NSD3: variants seen among roughly 807,000 people sequenced by gnomAD.
NSD3 encodes the protein histone-lysine N-methyltransferase NSD3.
In NSD3, 24 loss-of-function variants were observed where a neutral mutation model predicts 160.8. The ratio of observed to expected loss-of-function variants is 0.15; its 90% CI spans 0.11 to 0.21. The LOEUF (loss-of-function observed/expected upper bound fraction) is 0.21, where lower values mean the gene tolerates loss of function less well. Ranked by LOEUF, NSD3 falls within the 10% of genes least tolerant of loss-of-function variation. NSD3 has a pLI of 1.00. For missense variants in NSD3, 1,157 were observed against 1,735.9 expected (o/e 0.67, Z 5.93); for synonymous variants, 520 against 600.0 (o/e 0.87, Z 1.95).
chr8:38,381,771 CACAT>C (rs775376302), intron 1 of NSD3, 24 bp downstream of exon 1: 15 of 148,626 alleles, frequency 1.0e-4, no homozygotes, highest in Admixed American at 1.4e-4. Context: ...CACACACACA[CACAT>C]ACACACACGC....
chr8:38,343,716 T>C (rs930580211), intron 2 of NSD3, among the ~76,000 whole-genome samples: 1 of 152,048 alleles, frequency 6.6e-6, no homozygotes. Flanking sequence ...AATAAACACA[T>C]AAAATCAAAT....
chr8:38,295,957 A>C lies in NSD3; in HGVS notation c.2759-5T>G. ...CACAGCAGAGCAATCTTCCACCTTG[A>C]AACAAATAAACAGTCTTAATAACTG... is the stretch of plus-strand genomic sequence containing the variant. On this transcript the variant is annotated splice_polypyrimidine_tract_variant and splice_region_variant and intron_variant, in intron 15 of 23. Coordinates refer to ENST00000317025, the MANE Select transcript of NSD3 (RefSeq NM_023034.2). 1 of 1,606,012 alleles carries C rather than the reference A, an allele frequency of 6.2e-7. No individual in the cohort carries two copies. Among genetic ancestry groups the C allele is most frequent in the Non-Finnish European group, 8.5e-7 (1 of 1,177,666 alleles).
In NSD3 at chr8:38,316,705, T is replaced by C; in HGVS notation, c.1856-663A>G. 9.5e-7 allele frequency: 1 copy of C among 1,056,216 alleles called. No individual in the cohort carries two copies. The allele number at this position is 1,056,216 out of a possible 1,614,324, so 65.4% of individuals were successfully genotyped here. ...GAGGGCTGTAAATGGACAATCAGTG[T>C]TCAAGTGCAGCCAAATCACGTAGAG... On this transcript the variant is annotated intron_variant, in intron 9 of 23. Transcript: ENST00000317025. The surrounding 1 kb of genome is among the most constrained non-coding windows in gnomAD (Gnocchi z 4.5).
chr8:38,316,410 C>T lies in NSD3; in HGVS notation c.1856-368G>A, dbSNP rs1187610362. ...GAGGGGGAAGACATAAAACCCAACA[C>T]ACTGTGTAGCTTACAAATATGGTTG... On this transcript the variant is annotated intron_variant, in intron 9 of 23. Transcript: ENST00000317025. This position sits in a 1 kb window ranked among gnomAD's most constrained non-coding sequence, Gnocchi z 4.5. The T allele has an allele frequency of 7.3e-5, 78 of 1,067,352 alleles. No individual in the cohort carries two copies. The highest frequency in any genetic ancestry group is 8.9e-5 in the Non-Finnish European group (78 of 879,800). The allele number at this position is 1,067,352 out of a possible 1,614,324, so 66.1% of individuals were successfully genotyped here.
Position 38,331,592 on chromosome 8 carries a change from G to C in NSD3, c.911-7C>G. On this transcript the variant is annotated splice_region_variant and splice_polypyrimidine_tract_variant and intron_variant, in intron 4 of 23. Coordinates refer to ENST00000317025, the MANE Select transcript of NSD3 (RefSeq NM_023034.2). ...ACATGATATTCTCGGGCACCTGTAA[G>C]TAAAAATTCTTATTAACCATTTCAG... 1 of 1,608,362 alleles carries C rather than the reference G, an allele frequency of 6.2e-7. No individual in the cohort carries two copies. The highest frequency in any genetic ancestry group is 8.5e-7 in the Non-Finnish European group (1 of 1,178,414).
At position 38,318,848 on chromosome 8, in the gene NSD3, T is replaced by A; in HGVS notation, c.1855+47A>T. 6.5e-7 allele frequency: 1 copy of A among 1,539,416 alleles called. No homozygotes were observed. Among genetic ancestry groups the A allele is most frequent in the Non-Finnish European group, 8.9e-7 (1 of 1,122,804 alleles). ...TGAAGTACAAATAATTCTTAAAAAT[T>A]GGTTTTAATCAAGGAAATGCAAAGC... On this transcript the variant is annotated intron_variant, in intron 9 of 23. Transcript: ENST00000317025. This position sits in a 1 kb window ranked among gnomAD's most constrained non-coding sequence, Gnocchi z 5.3.
intron 1 of NSD3, among the ~76,000 whole-genome samples, chr8:38,367,779 C>T (rs1811140184): frequency 6.6e-6 from 1 of 152,016 alleles, no homozygotes; most frequent in South Asian, 2.1e-4. Context: ...TTAAGATGAC[C>T]ATTATTTGTA....
rs550759328 is a variant in NSD3, at chr8:38,329,011, T to C, written c.1581+367A>G. Reference sequence around the variant, plus strand: ...GGTTTTTATAACAATGGTTAATTCATATAATTGACAAAAATGATTTTAATA... The same window carrying C: ...GGTTTTTATAACAATGGTTAATTCACATAATTGACAAAAATGATTTTAATA... On this transcript the variant is annotated intron_variant, in intron 6 of 23. Coordinates refer to ENST00000317025, the MANE Select transcript of NSD3 (RefSeq NM_023034.2). The surrounding 1 kb of genome is among the most constrained non-coding windows in gnomAD (Gnocchi z 4.8). Among the ~76,000 whole-genome samples the C allele has an allele frequency of 5.9e-5, 9 of 152,314 alleles. No homozygotes were observed. The South Asian group carries it at 8.3e-4, about 14-fold the overall frequency.
intron 1 of NSD3, among the ~76,000 whole-genome samples, chr8:38,374,564 A>G (rs963139627): frequency 6.6e-6 from 1 of 152,050 alleles, no homozygotes; most frequent in African/African-American, 2.4e-5. Flanking sequence ...TCAGTCCAGC[A>G]GAGGCAACAG....
intron 14 of NSD3, among the ~76,000 whole-genome samples, chr8:38,300,773 TG>T (rs1344195630): frequency 6.6e-6 from 1 of 152,188 alleles, no homozygotes; most frequent in Admixed American, 6.6e-5. Context: ...ACTGGATCAG[TG>T]TATAATGATG....
chr8:38,377,319 G>A (rs1348908600), intron 1 of NSD3, among the ~76,000 whole-genome samples: 1 of 151,492 alleles, frequency 6.6e-6, no homozygotes, highest in Non-Finnish European at 1.5e-5. Context: ...CTCCCAAAGT[G>A]CGGGAATTAC....
intron 19 of NSD3, among the ~76,000 whole-genome samples, chr8:38,283,385 G>A (rs911350170): frequency 6.6e-5 from 10 of 151,160 alleles, no homozygotes; most frequent in African/African-American, 2.4e-4. Context: ...TCAGATTTCT[G>A]TCCCATTCTC....
At chr8:38,302,641 G>C (rs1424168125) in intron 14 of NSD3, among the ~76,000 whole-genome samples, 5 of 152,192 alleles carry the variant, frequency 3.3e-5, no homozygotes, top group Non-Finnish European at 7.3e-5. Flanking sequence ...AAAGTGGCTA[G>C]AGTTTCTATA....
At position 38,305,289 on chromosome 8, in the gene NSD3, G is replaced by A. The variant is rs1172187950; in HGVS notation, c.2399C>T (p.Ser800Phe). 1 of 1,614,206 alleles carries A rather than the reference G, an allele frequency of 6.2e-7. No homozygotes were observed. The highest frequency in any genetic ancestry group is 8.5e-7 in the Non-Finnish European group (1 of 1,180,032). ...GATATCTTTCTCCATAGAGCAGGCA[G>A]AGCAGCAGTGCTGAGGACAGCGGAA... ...KGFRCPQHCCSACSMEKDIHK... is the reference protein window; with the variant it reads ...KGFRCPQHCCFACSMEKDIHK... The change falls in exon 13 of 24, where the codon TCT becomes TTT. Residue 800 changes from serine (S) to phenylalanine (F), a missense_variant. Around this residue, in one of 10 missense-constraint regions of NSD3, gnomAD observed 437 missense variants for 576.6 expected, o/e 0.76. Coordinates refer to ENST00000317025, the MANE Select transcript of NSD3 (RefSeq NM_023034.2).
intron 17 of NSD3, among the ~76,000 whole-genome samples, chr8:38,289,995 C>T (rs979007374): frequency 6.6e-6 from 1 of 152,074 alleles, no homozygotes; most frequent in African/African-American, 2.4e-5. Flanking sequence ...GTGGGCAGAT[C>T]GCTTGAACCC....
intron 1 of NSD3, among the ~76,000 whole-genome samples, chr8:38,349,261 GATC>G (rs1292201872): frequency 3.3e-5 from 5 of 152,152 alleles, no homozygotes; most frequent in South Asian, 2.1e-4. Flanking sequence ...TTTATGTACT[GATC>G]ATCAGTTTCT....
Position 38,301,441 on chromosome 8 carries a change from G to A in NSD3, c.2612-1851C>T, listed in dbSNP as rs143119430. Among the ~76,000 whole-genome samples, 448 of 152,314 alleles carry A rather than the reference G, an allele frequency of 2.9e-3. 1 individual carries two copies. Among genetic ancestry groups the A allele is most frequent in the Admixed American group, 5.0e-3 (77 of 15,296 alleles). On this transcript the variant is annotated intron_variant, in intron 14 of 23. Coordinates refer to ENST00000317025, the MANE Select transcript of NSD3 (RefSeq NM_023034.2). ...AAAAATACAAAAGAATTAGCCAGGCGTGGTGGCACATGCCTGTAATCCCAG... is the reference window on the plus strand; with the variant it reads ...AAAAATACAAAAGAATTAGCCAGGCATGGTGGCACATGCCTGTAATCCCAG...
chr8:38,361,914 T>C (rs964473027), intron 1 of NSD3, among the ~76,000 whole-genome samples: 6 of 152,002 alleles, frequency 3.9e-5, no homozygotes, highest in Non-Finnish European at 8.8e-5. Flanking sequence ...TAACCTGTAG[T>C]GGAAGAGAGA....
chr8:38,293,029 T>C (rs944601144), intron 16 of NSD3, among the ~76,000 whole-genome samples: 1 of 149,934 alleles, frequency 6.7e-6, no homozygotes, highest in Non-Finnish European at 1.5e-5. Flanking sequence ...TCCCAGCTAC[T>C]TGGGAGGCTG....
Sources: allele counts gnomAD v4.1 joint callset (sites outside exome capture counted in the v4.1 genomes callset), GRCh38; gene constraint gnomAD v4.1.1; regional missense constraint gnomAD v4.1.1; non-coding constraint Gnocchi (gnomAD v3.1); transcripts MANE v1.5; gene names NCBI Gene and HGNC (gene_info 2026-07-23, HGNC 2026-07-21).